WWOX: variants seen among roughly 807,000 people sequenced by gnomAD.
WWOX encodes WW domain-containing oxidoreductase.
A neutral mutation model predicts 46.2 loss-of-function variants in WWOX; 69 were observed. That is an observed-to-expected ratio of 1.49 (90% confidence interval 1.23 to 1.82). The LOEUF (loss-of-function observed/expected upper bound fraction) is 1.82. WWOX is among the 40% of genes most tolerant of loss of function. The probability of loss-of-function intolerance (pLI) is 0.00; values close to 1 mark genes in which losing one functional copy is unlikely to be tolerated. For missense variants in WWOX, 919 were observed against 542.6 expected, an observed-to-expected ratio of 1.69 and a Z score of -6.89; for synonymous variants, 359 against 202.6, an observed-to-expected ratio of 1.77 and a Z score of -6.56.
chr16:78,317,669 A>T (rs2080383278), intron 5 of WWOX, among the ~76,000 whole-genome samples: 1 of 151,340 alleles, frequency 6.6e-6, no homozygotes, highest in Non-Finnish European at 1.5e-5. Context: ...TAGGCTCTGG[A>T]CTCCTGCTCT....
intron 6 of WWOX, among the ~76,000 whole-genome samples, chr16:78,422,683 A>ATATATATATATATATATATATATG (rs2082963782): frequency 2.5e-5 from 2 of 80,622 alleles, no homozygotes; most frequent in Non-Finnish European, 4.3e-5. Flanking sequence ...ATATATATAT[A>ATATATATATATATATATATATATG]TACACACACA....
At chr16:78,719,584 A>G (rs1446031270) in intron 8 of WWOX, among the ~76,000 whole-genome samples, 2 of 152,216 alleles carry the variant, frequency 1.3e-5, no homozygotes, top group African/African-American at 4.8e-5. Flanking sequence ...CCTTAAAAGA[A>G]AAGAGACCCC....
intron 8 of WWOX, among the ~76,000 whole-genome samples, chr16:78,484,375 G>C (rs554001758): frequency 3.1e-4 from 47 of 152,090 alleles, no homozygotes; most frequent in Middle Eastern, 3.4e-3. Context: ...TTTACTTACA[G>C]TTTGCTATTG....
intron 8 of WWOX, among the ~76,000 whole-genome samples, chr16:78,452,878 T>TATATATATATATAC (rs752791786): frequency 7.0e-6 from 1 of 143,020 alleles, no homozygotes; most frequent in Non-Finnish European, 1.5e-5. Context: ...TATATATATA[T>TATATATATATATAC]ATACATATTT....
intron 8 of WWOX, among the ~76,000 whole-genome samples, chr16:78,723,622 CTTTTCTTT>C (rs2048751765): frequency 1.7e-5 from 2 of 119,884 alleles, no homozygotes; most frequent in African/African-American, 6.3e-5. Flanking sequence ...CTTTTCTTTT[CTTTTCTTT>C]TTTCTTTTCT....
chr16:78,915,473 C>G (rs984588253), intron 8 of WWOX, among the ~76,000 whole-genome samples: 4 of 152,100 alleles, frequency 2.6e-5, no homozygotes, highest in African/African-American at 4.8e-5. Context: ...GACTGTCCCT[C>G]TAATGACGCT....
chr16:78,950,599 T>G (rs1011455922), intron 8 of WWOX, among the ~76,000 whole-genome samples: 2 of 151,532 alleles, frequency 1.3e-5, no homozygotes, highest in African/African-American at 4.9e-5. Context: ...ATTTCTAACA[T>G]AATAAAAAAG....
At chr16:78,725,339 CTTTTCTT>C (rs1346960880) in intron 8 of WWOX, among the ~76,000 whole-genome samples, 1,497 of 86,448 alleles carry the variant, frequency 0.017, 8 homozygotes, top group African/African-American at 0.07. Context: ...CTTTTCTTTT[CTTTTCTT>C]TTTTTTTTTT....
chr16:78,711,708 A>G (rs2048448009), intron 8 of WWOX, among the ~76,000 whole-genome samples: 3 of 152,188 alleles, frequency 2.0e-5, no homozygotes. Flanking sequence ...CACAGTTTGA[A>G]TATAAGTGTT....
chr16:78,756,339 A>G (rs2049646124), intron 8 of WWOX, among the ~76,000 whole-genome samples: 1 of 152,176 alleles, frequency 6.6e-6, no homozygotes, highest in Non-Finnish European at 1.5e-5. Context: ...AAAAATCAAT[A>G]AAATGAGCAG....
chr16:78,695,111 G>A (rs916637128), intron 8 of WWOX, among the ~76,000 whole-genome samples: 3 of 152,078 alleles, frequency 2.0e-5, no homozygotes, highest in Non-Finnish European at 2.9e-5. Flanking sequence ...GTTACTACTC[G>A]TGGGATTACA....
chr16:78,301,987 G>T (rs1453017409), intron 5 of WWOX, among the ~76,000 whole-genome samples: 4 of 151,092 alleles, frequency 2.6e-5, no homozygotes, highest in Non-Finnish European at 2.9e-5. Context: ...TTGAGACAGG[G>T]TCTCACTCTG....
At chr16:78,353,108 G>T (rs1384467164) in intron 5 of WWOX, among the ~76,000 whole-genome samples, 3 of 152,024 alleles carry the variant, frequency 2.0e-5, no homozygotes, top group Non-Finnish European at 4.4e-5. Flanking sequence ...GTTTTCCTTT[G>T]ATCTTTCTAT....
At chr16:78,590,146 G>GTCTCTCTCTCTCTCTCTCTC (rs58692243) in intron 8 of WWOX, among the ~76,000 whole-genome samples, 19 of 149,728 alleles carry the variant, frequency 1.3e-4, no homozygotes, top group African/African-American at 2.0e-4. Flanking sequence ...TAGGCATTCA[G>GTCTCTCTCTCTCTCTCTCTC]TCTCTCTCTC....
At chr16:78,752,186 A>G (rs2049498943) in intron 8 of WWOX, among the ~76,000 whole-genome samples, 1 of 152,218 alleles carries the variant, frequency 6.6e-6, no homozygotes, top group Admixed American at 6.5e-5. Flanking sequence ...CGTACTGAAA[A>G]TATACCTTTA....
At chr16:78,801,297 G>A (rs1301568224) in intron 8 of WWOX, among the ~76,000 whole-genome samples, 2 of 152,128 alleles carry the variant, frequency 1.3e-5, no homozygotes, top group Non-Finnish European at 2.9e-5. Context: ...ATCCCCTGAG[G>A]TTGGGAGTTT....
At chr16:78,911,986 G>A (rs2045123919) in intron 8 of WWOX, among the ~76,000 whole-genome samples, 1 of 152,036 alleles carries the variant, frequency 6.6e-6, no homozygotes, top group Non-Finnish European at 1.5e-5. Context: ...ACTGGTCTGT[G>A]AACCTTACCC....
chr16:79,157,975 G>T (rs527782384), intron 8 of WWOX, among the ~76,000 whole-genome samples: 1 of 152,172 alleles, frequency 6.6e-6, no homozygotes, highest in Admixed American at 6.5e-5. Context: ...AATAAAGGAG[G>T]TGGTGGGGTG....
chr16:79,176,566 C>T (rs2050804519), intron 8 of WWOX, among the ~76,000 whole-genome samples: 1 of 152,092 alleles, frequency 6.6e-6, no homozygotes, highest in African/African-American at 2.4e-5. Flanking sequence ...CTCTTTGGTC[C>T]CTGATAAATA....
Sources: gnomAD v4.1 joint callset for allele counts (sites outside exome capture counted in the v4.1 genomes callset) on GRCh38, gnomAD v4.1.1 for gene constraint, MANE v1.5 for transcripts, NCBI Gene and HGNC (gene_info 2026-07-23, HGNC 2026-07-21) for gene names.